GRID2: variants seen among roughly 807,000 people sequenced by gnomAD.
GRID2 encodes glutamate ionotropic receptor delta type subunit 2.
GRID2 carries 33 observed loss-of-function variants against 114.8 expected under a neutral mutation model. That is an observed-to-expected ratio of 0.29 (90% confidence interval 0.22 to 0.38). GRID2 has a LOEUF of 0.38. GRID2 is among the 10% of genes least tolerant of loss of function. The probability of loss-of-function intolerance (pLI) is 1.00; values close to 1 mark genes in which losing one functional copy is unlikely to be tolerated. For missense variants in GRID2, 1,184 were observed against 1,257.7 expected (o/e 0.94, Z 0.89); for synonymous variants, 505 against 449.9 (o/e 1.12, Z -1.55).
At chr4:93,062,932 C>G (rs1244575403) in intron 2 of GRID2, among the ~76,000 whole-genome samples, 11 of 151,878 alleles carry the variant, frequency 7.2e-5, no homozygotes, top group Non-Finnish European at 1.3e-4. Context: ...ATGAATAAAA[C>G]AAGTTGCCTG....
chr4:93,324,973 T>G (rs1297762337), intron 8 of GRID2, among the ~76,000 whole-genome samples: 1 of 152,124 alleles, frequency 6.6e-6, no homozygotes, highest in Admixed American at 6.6e-5. Flanking sequence ...TTTGTTGATC[T>G]TTTCAAAAAA....
chr4:92,558,956 A>C (rs1440360920), intron 1 of GRID2, among the ~76,000 whole-genome samples: 2 of 152,144 alleles, frequency 1.3e-5, no homozygotes, highest in East Asian at 1.9e-4. Flanking sequence ...ACCTTTAATA[A>C]ATTTACTGTG....
intron 2 of GRID2, among the ~76,000 whole-genome samples, chr4:92,722,391 G>A (rs1735851991): frequency 6.6e-6 from 1 of 151,870 alleles, no homozygotes; most frequent in South Asian, 2.1e-4. Context: ...TTCTTTCTCT[G>A]AACCAAGAAA....
At chr4:93,544,639 T>C (rs1288178389) in intron 13 of GRID2, among the ~76,000 whole-genome samples, 2 of 151,814 alleles carry the variant, frequency 1.3e-5, no homozygotes, top group Non-Finnish European at 2.9e-5. Flanking sequence ...TAGCTGGGCA[T>C]GGTGGCACAT....
intron 4 of GRID2, among the ~76,000 whole-genome samples, chr4:93,125,299 G>GT (rs1553991880): frequency 2.0e-5 from 3 of 151,774 alleles, no homozygotes; most frequent in Non-Finnish European, 4.4e-5. Context: ...GCATGAAAGA[G>GT]TATATATATG....
intron 10 of GRID2, among the ~76,000 whole-genome samples, chr4:93,451,564 C>T (rs1232383970): frequency 1.3e-5 from 2 of 151,962 alleles, no homozygotes; most frequent in African/African-American, 2.4e-5. Context: ...CTCCTAAGAG[C>T]CATGCAAATT....
Position 92,923,645 on chromosome 4 carries a change from G to T in GRID2, c.245-161350G>T, listed in dbSNP as rs551610068. Reference sequence around the variant, plus strand: ...AGGAAAGATAAACTGCGACGTAACTGGGGAGTAGATACATTATACACATAC... The same window carrying T: ...AGGAAAGATAAACTGCGACGTAACTTGGGAGTAGATACATTATACACATAC... On this transcript the variant is annotated intron_variant, in intron 2 of 15. Coordinates refer to ENST00000282020, the MANE Select transcript of GRID2 (RefSeq NM_001510.4). Among the ~76,000 whole-genome samples, 45 of 152,230 alleles carry T rather than the reference G, an allele frequency of 3.0e-4. 1 individual carries two copies. The South Asian group carries it at 9.1e-3, about 31-fold the overall frequency.
chr4:93,763,301 T>A (rs1158253942), intron 14 of GRID2, among the ~76,000 whole-genome samples: 1 of 152,174 alleles, frequency 6.6e-6, no homozygotes, highest in Non-Finnish European at 1.5e-5. Flanking sequence ...TAGAGACATG[T>A]TAAATTATTA....
chr4:93,612,158 G>C (rs936784220), intron 13 of GRID2, among the ~76,000 whole-genome samples: 1 of 151,290 alleles, frequency 6.6e-6, no homozygotes, highest in Non-Finnish European at 1.5e-5. Flanking sequence ...GTTTTCCATT[G>C]GTTTGGTAGA....
intron 2 of GRID2, among the ~76,000 whole-genome samples, chr4:92,946,469 A>G (rs181485742): frequency 6.6e-6 from 1 of 152,024 alleles, no homozygotes; most frequent in East Asian, 1.9e-4. Context: ...GCTTATTCAC[A>G]TATTTCCTAA....
At chr4:93,757,371 T>C (rs1578747547) in intron 14 of GRID2, among the ~76,000 whole-genome samples, 1 of 152,256 alleles carries the variant, frequency 6.6e-6, no homozygotes, top group African/African-American at 2.4e-5. Context: ...CTGTACTTTC[T>C]TCCTGCTGGA....
intron 8 of GRID2, among the ~76,000 whole-genome samples, chr4:93,337,039 A>C (rs1759161928): frequency 6.6e-6 from 1 of 152,150 alleles, no homozygotes; most frequent in Non-Finnish European, 1.5e-5. Flanking sequence ...ATTTCAGTTT[A>C]TATTACTAGT....
At chr4:92,868,066 T>G (rs71599259) in intron 2 of GRID2, among the ~76,000 whole-genome samples, 35,857 of 122,384 alleles carry the variant, frequency 0.29, 6,180 homozygotes, top group Non-Finnish European at 0.4. Context: ...CTTTCTTTCT[T>G]TCTGTCTGTC....
At chr4:92,897,094 A>T (rs1190232662) in intron 2 of GRID2, among the ~76,000 whole-genome samples, 1 of 151,834 alleles carries the variant, frequency 6.6e-6, no homozygotes, top group Non-Finnish European at 1.5e-5. Flanking sequence ...ACTCCTTAAG[A>T]CTCTGCATGT....
chr4:93,371,741 C>CTTTTTTTTTT (rs1205096650), intron 8 of GRID2, among the ~76,000 whole-genome samples: 8 of 89,792 alleles, frequency 8.9e-5, no homozygotes, highest in African/African-American at 1.9e-4. Context: ...ATCACTATTT[C>CTTTTTTTTTT]TTTTTTTTTT....
chr4:93,660,639 T>C (rs1055301795), intron 14 of GRID2, among the ~76,000 whole-genome samples: 1 of 152,162 alleles, frequency 6.6e-6, no homozygotes, highest in Non-Finnish European at 1.5e-5. Context: ...AAATTATAAA[T>C]ATGTCAAAAA....
intron 10 of GRID2, among the ~76,000 whole-genome samples, chr4:93,437,298 A>G (rs376118269): frequency 6.6e-6 from 1 of 152,178 alleles, no homozygotes; most frequent in Admixed American, 6.6e-5. Flanking sequence ...CCATAGTCAC[A>G]TAGCCAAGTT....
At chr4:92,918,615 G>T (rs533169219) in intron 2 of GRID2, among the ~76,000 whole-genome samples, 20 of 152,228 alleles carry the variant, frequency 1.3e-4, no homozygotes, top group African/African-American at 4.1e-4. Flanking sequence ...TAATCATGTG[G>T]TTTTTGTCGT....
At chr4:92,833,894 A>G (rs932551362) in intron 2 of GRID2, 3 of 152,222 alleles carry the variant, frequency 2.0e-5, no homozygotes, top group Non-Finnish European at 4.4e-5. Context: ...AGCCAACACC[A>G]GCACATTTTA....
Sources: gnomAD v4.1 joint callset for allele counts (sites outside exome capture counted in the v4.1 genomes callset) on GRCh38, gnomAD v4.1.1 for gene constraint, MANE v1.5 for transcripts, NCBI Gene and HGNC (gene_info 2026-07-23, HGNC 2026-07-21) for gene names.